Variants in ALG14 observed in about 807,000 individuals in gnomAD.
The protein encoded by ALG14 is ALG14 UDP-N-acetylglucosaminyltransferase subunit.
Under a neutral mutation model 22.8 loss-of-function variants are expected in ALG14, and 17 were observed. The ratio of observed to expected loss-of-function variants is 0.75; its 90% CI spans 0.51 to 1.12. The LOEUF is 1.12. Ranked by LOEUF, ALG14 falls within the 50% of genes most tolerant of loss-of-function variation. The pLI, the probability that ALG14 is intolerant of heterozygous loss-of-function variation, is 0.00. For missense variants in ALG14, 288 were observed against 271.8 expected, an observed-to-expected ratio of 1.06 and a Z score of -0.42; for synonymous variants, 89 against 103.7, an observed-to-expected ratio of 0.86 and a Z score of 0.86.
At chr1:95,058,326 G>C (rs1383640685) in intron 2 of ALG14, among the ~76,000 whole-genome samples, 2 of 134,584 alleles carry the variant, frequency 1.5e-5, no homozygotes, top group Non-Finnish European at 3.1e-5. Context: ...TATTTTCAGA[G>C]ATGATAGCCG....
At chr1:95,065,542 CAT>C (rs1211421495) in intron 1 of ALG14, among the ~76,000 whole-genome samples, 12 of 152,076 alleles carry the variant, frequency 7.9e-5, no homozygotes, top group African/African-American at 2.4e-4. Flanking sequence ...AGATCTGAAA[CAT>C]GTGTTCAAAG....
chr1:95,040,694 GA>G (rs1312415389), intron 2 of ALG14, among the ~76,000 whole-genome samples: 10 of 152,146 alleles, frequency 6.6e-5, no homozygotes, highest in Non-Finnish European at 1.0e-4. Flanking sequence ...CAAAGGTATA[GA>G]TTTTTTTTTT....
intron 3 of ALG14, among the ~76,000 whole-genome samples, chr1:95,005,607 C>T (rs1673195430): frequency 6.6e-6 from 1 of 152,200 alleles, no homozygotes; most frequent in African/African-American, 2.4e-5. Flanking sequence ...AGCAGTTAAG[C>T]ATCCTCTTTA....
At chr1:95,016,719 T>C (rs1300042625) in intron 3 of ALG14, among the ~76,000 whole-genome samples, 1 of 151,978 alleles carries the variant, frequency 6.6e-6, no homozygotes, top group Non-Finnish European at 1.5e-5. Context: ...CCCAAGAACA[T>C]CTATTAGGCC....
intron 2 of ALG14, among the ~76,000 whole-genome samples, chr1:95,044,530 T>C (rs767456126): frequency 9.2e-5 from 14 of 152,280 alleles, no homozygotes; most frequent in Non-Finnish European, 1.6e-4. Context: ...TTCCTCTCTA[T>C]GGCTTTTCCA....
intron 3 of ALG14, among the ~76,000 whole-genome samples, chr1:94,984,198 T>C (rs1672577849): frequency 6.6e-6 from 1 of 152,214 alleles, no homozygotes; most frequent in African/African-American, 2.4e-5. Flanking sequence ...AAGCACTTTA[T>C]TCCACAAACC....
At chr1:95,020,202 G>A (rs909436644) in intron 3 of ALG14, among the ~76,000 whole-genome samples, 10 of 151,198 alleles carry the variant, frequency 6.6e-5, no homozygotes, top group Admixed American at 2.0e-4. Context: ...GGGCAACAGA[G>A]TGAGACTGAG....
In ALG14 at chr1:94,976,773, G is replaced by A. The variant is rs140791247; in HGVS notation, c.*6303C>T. 1 of 152,240 alleles carries A rather than the reference G, an allele frequency of 6.6e-6. No individual in the cohort carries two copies. Among genetic ancestry groups the A allele is most frequent in the Non-Finnish European group, 1.5e-5 (1 of 68,026 alleles). The allele number at this position is 152,240 out of a possible 1,614,324, so 9.4% of individuals were successfully genotyped here. On this transcript the variant is annotated 3_prime_UTR_variant, in exon 4 of 4. Coordinates refer to ENST00000370205, the MANE Select transcript of ALG14 (RefSeq NM_144988.4). ...GATAATCTACTATCCGTTAGTATGGGTGGGATCTGTGAATATCATGACATG... is the reference window on the plus strand; with the variant it reads ...GATAATCTACTATCCGTTAGTATGGATGGGATCTGTGAATATCATGACATG...
At chr1:95,020,149 G>T (rs1224480899) in intron 3 of ALG14, among the ~76,000 whole-genome samples, 1 of 151,582 alleles carries the variant, frequency 6.6e-6, no homozygotes, top group African/African-American at 2.4e-5. Flanking sequence ...CTCGGGAGGC[G>T]GAGGTTGCAG....
chr1:95,050,806 G>A (rs1363388460), intron 2 of ALG14, among the ~76,000 whole-genome samples: 2 of 151,392 alleles, frequency 1.3e-5, no homozygotes, highest in South Asian at 2.1e-4. Flanking sequence ...TTAATAGAAG[G>A]CCCTAAGGCC....
chr1:95,028,644 C>A (rs1673900988), intron 2 of ALG14, among the ~76,000 whole-genome samples: 1 of 151,018 alleles, frequency 6.6e-6, no homozygotes, highest in South Asian at 2.1e-4. Flanking sequence ...ATGGTGAAAC[C>A]CCATTCTCTA....
At chr1:95,005,945 C>T (rs1353797014) in intron 3 of ALG14, among the ~76,000 whole-genome samples, 1 of 152,184 alleles carries the variant, frequency 6.6e-6, no homozygotes, top group Admixed American at 6.5e-5. Context: ...AAACCTAACT[C>T]TGTTTCATAT....
chr1:94,994,640 A>C (rs1198362710), intron 3 of ALG14, among the ~76,000 whole-genome samples: 1 of 152,216 alleles, frequency 6.6e-6, no homozygotes, highest in Non-Finnish European at 1.5e-5. Context: ...CTAGTGACAT[A>C]GCTGAGACTC....
intron 3 of ALG14, among the ~76,000 whole-genome samples, chr1:95,025,445 G>A (rs1253470331): frequency 6.6e-6 from 1 of 152,158 alleles, no homozygotes. Flanking sequence ...AATGAGCACT[G>A]GCTTCAACTT....
intron 3 of ALG14, among the ~76,000 whole-genome samples, chr1:95,019,042 A>G (rs1673583237): frequency 6.6e-6 from 1 of 152,230 alleles, no homozygotes; most frequent in Non-Finnish European, 1.5e-5. Context: ...ACAAACTGTC[A>G]GCCATAAACA....
intron 2 of ALG14, 61 bp downstream of exon 2, chr1:95,064,792 TGAGATTATTACTA>T: frequency 7.1e-7 from 1 of 1,411,802 alleles, no homozygotes; most frequent in Non-Finnish European, 9.7e-7. Flanking sequence ...TGAAGTGCCA[TGAGATTATTACTA>T]GAGACAATTA....
At chr1:95,047,402 G>T (rs1021751624) in intron 2 of ALG14, among the ~76,000 whole-genome samples, 2 of 152,040 alleles carry the variant, frequency 1.3e-5, no homozygotes, top group African/African-American at 4.8e-5. Context: ...GGAGTGCAGT[G>T]GCGTGATCTC....
intron 3 of ALG14, among the ~76,000 whole-genome samples, chr1:94,992,324 G>A (rs1397215176): frequency 3.3e-5 from 5 of 152,058 alleles, no homozygotes; most frequent in African/African-American, 1.2e-4. Flanking sequence ...TAATCTTACG[G>A]GATCACTATT....
intron 2 of ALG14, among the ~76,000 whole-genome samples, chr1:95,043,098 T>C (rs1674435637): frequency 6.6e-6 from 1 of 152,210 alleles, no homozygotes; most frequent in Non-Finnish European, 1.5e-5. Flanking sequence ...TCATTCTTGT[T>C]TTAATGAAAT....
Sources: allele counts gnomAD v4.1 joint callset (sites outside exome capture counted in the v4.1 genomes callset), GRCh38; gene constraint gnomAD v4.1.1; transcripts MANE v1.5; gene names NCBI Gene and HGNC (gene_info 2026-07-23, HGNC 2026-07-21).